The following MAP2K4 variants were observed in gnomAD, a reference collection of about 807,000 sequenced individuals.
MAP2K4 encodes the protein mitogen-activated protein kinase kinase 4.
A neutral mutation model predicts 48.5 loss-of-function variants in MAP2K4; 4 were observed. The ratio of observed to expected loss-of-function variants is 0.08; its 90% CI spans 0.04 to 0.19. MAP2K4 has a LOEUF of 0.19. Among genes scored for constraint, MAP2K4 ranks in the 10% least tolerant of loss-of-function variants. MAP2K4 has a pLI of 1.00. For missense variants in MAP2K4, 258 were observed against 493.3 expected, an observed-to-expected ratio of 0.52 and a Z score of 4.52; for synonymous variants, 166 against 173.1, an observed-to-expected ratio of 0.96 and a Z score of 0.32.
At chr17:12,129,102 C>T (rs1405028423) in intron 8 of MAP2K4, 37 bp from the exon 9 acceptor site, 1 of 1,605,016 alleles carries the variant, frequency 6.2e-7, no homozygotes, top group Non-Finnish European at 8.5e-7. Flanking sequence ...TAAATGATGC[C>T]TGGTGTATTT....
At chr17:12,115,539 G>A (rs1281519128) in intron 7 of MAP2K4, 20 of 520,686 alleles carry the variant, frequency 3.8e-5, no homozygotes, top group East Asian at 9.9e-5. Flanking sequence ...GTGACGGGCC[G>A]GAGAAAGATG....
intron 7 of MAP2K4, chr17:12,124,168 C>T (rs1972778146): frequency 6.6e-6 from 1 of 152,162 alleles, no homozygotes; most frequent in Non-Finnish European, 1.5e-5. Flanking sequence ...AGTTGATGCT[C>T]ACAGGCAGAG....
At chr17:12,135,270 A>G (rs1200561244) in intron 9 of MAP2K4, among the ~76,000 whole-genome samples, 1 of 151,818 alleles carries the variant, frequency 6.6e-6, no homozygotes, top group East Asian at 2.0e-4. Context: ...TATTTTTAGT[A>G]GAGTTGGGGT....
chr17:12,044,067 C>T (rs995941032), intron 1 of MAP2K4, among the ~76,000 whole-genome samples: 9 of 152,066 alleles, frequency 5.9e-5, no homozygotes, highest in African/African-American at 1.7e-4. Context: ...GCCACATTAT[C>T]GGTAACAAAA....
chr17:12,038,758 G>C (rs890752093), intron 1 of MAP2K4, among the ~76,000 whole-genome samples: 31 of 152,240 alleles, frequency 2.0e-4, no homozygotes, highest in Non-Finnish European at 2.2e-4. Context: ...TATAGATGAG[G>C]AAACTGAAGC....
chr17:12,132,112 G>A (rs562099288), intron 9 of MAP2K4, among the ~76,000 whole-genome samples: 30 of 152,290 alleles, frequency 2.0e-4, no homozygotes, highest in Middle Eastern at 6.8e-3. Flanking sequence ...TGAAGCAACT[G>A]GAAGTCTCAT....
At chr17:12,099,621 G>A (rs1191218190) in intron 4 of MAP2K4, among the ~76,000 whole-genome samples, 1 of 152,164 alleles carries the variant, frequency 6.6e-6, no homozygotes, top group Admixed American at 6.5e-5. Flanking sequence ...CCAAAGTACA[G>A]CTTGGATTTG....
Position 12,141,214 on chromosome 17 carries a change from T to C in MAP2K4, c.1154T>C (p.Leu385Pro). The C allele has an allele frequency of 6.2e-7, 1 of 1,613,958 alleles. No homozygotes were observed. Among genetic ancestry groups the C allele is most frequent in the Non-Finnish European group, 8.5e-7 (1 of 1,179,798 alleles). The change falls in exon 11 of 11, where the codon CTG becomes CCG. Residue 385 changes from leucine to proline, a missense_variant. Physicochemically the swap from Leu to Pro is moderately conservative, Grantham distance 98. Coordinates refer to ENST00000353533, the MANE Select transcript of MAP2K4 (RefSeq NM_003010.4). ...GTCGCATGCTATGTTTGTAAAATCC[T>C]GGATCAAATGCCAGCTACTCCCAGC... ...VEVACYVCKILDQMPATPSSP... is the reference protein window; with the variant it reads ...VEVACYVCKIPDQMPATPSSP...
rs28923220 is a variant in MAP2K4 at position 12,110,210 on chromosome 17, T to C, written c.634-165T>C. ...ATAAAGGCAACTAAGCTTTTAGATC[T>C]AAAATTATTCAGTATCTTTGGTTAA... On this transcript the variant is annotated intron_variant, in intron 5 of 10. Transcript: ENST00000353533. Among the ~76,000 whole-genome samples, 1,193 of 152,330 alleles carry C rather than the reference T, an allele frequency of 7.8e-3. 21 individuals are homozygous for C. Among genetic ancestry groups the C allele is most frequent in the African/African-American group, 0.027 (1,137 of 41,582 alleles).
At chr17:12,051,939 C>T (rs946027436) in intron 1 of MAP2K4, among the ~76,000 whole-genome samples, 1 of 151,608 alleles carries the variant, frequency 6.6e-6, no homozygotes, top group East Asian at 1.9e-4. Flanking sequence ...AAAAAAAAAG[C>T]TCATGCCTCC....
At chr17:12,021,866 C>G (rs756722503) in intron 1 of MAP2K4, among the ~76,000 whole-genome samples, 30 of 152,106 alleles carry the variant, frequency 2.0e-4, no homozygotes, top group Non-Finnish European at 4.3e-4. Flanking sequence ...ACTTTCCCCA[C>G]TGGGAATGCT....
chr17:12,083,933 AAC>A (rs1971277451), intron 3 of MAP2K4, among the ~76,000 whole-genome samples: 1 of 152,210 alleles, frequency 6.6e-6, no homozygotes, highest in African/African-American at 2.4e-5. Flanking sequence ...TGAAATGAGA[AAC>A]ACGCTTGAAG....
intron 9 of MAP2K4, among the ~76,000 whole-genome samples, chr17:12,130,167 G>C (rs1972978089): frequency 6.6e-6 from 1 of 151,850 alleles, no homozygotes; most frequent in Non-Finnish European, 1.5e-5. Flanking sequence ...CTTAAATCAG[G>C]GTCTAACATT....
chr17:12,102,518 ATTGT>A (rs1349613793), intron 4 of MAP2K4, among the ~76,000 whole-genome samples: 2 of 152,156 alleles, frequency 1.3e-5, no homozygotes, highest in African/African-American at 4.8e-5. Flanking sequence ...GACTTGCATC[ATTGT>A]AATGCTAGCC....
intron 9 of MAP2K4, among the ~76,000 whole-genome samples, chr17:12,133,121 G>A (rs970253407): frequency 3.9e-5 from 6 of 151,986 alleles, no homozygotes; most frequent in African/African-American, 9.7e-5. Context: ...TTGCTCTGTC[G>A]CCCAGGCTGG....
At chr17:12,136,365 C>A (rs557433805) in intron 9 of MAP2K4, among the ~76,000 whole-genome samples, 3 of 152,130 alleles carry the variant, frequency 2.0e-5, no homozygotes, top group African/African-American at 4.8e-5. Context: ...AATAGAACTT[C>A]TAGAAATAAA....
chr17:12,096,176 A>T lies in MAP2K4; in HGVS notation c.513+482A>T, dbSNP rs140586180. ...TAAACACTTATGTGTCCCTGCCCATAATCCTGAAGTATACCCATCAGACAT... is the reference window on the plus strand; with the variant it reads ...TAAACACTTATGTGTCCCTGCCCATTATCCTGAAGTATACCCATCAGACAT... On this transcript the variant is annotated intron_variant, in intron 4 of 10. Coordinates refer to ENST00000353533, the MANE Select transcript of MAP2K4 (RefSeq NM_003010.4). Among the ~76,000 whole-genome samples the T allele has an allele frequency of 6.4e-3, 946 of 148,932 alleles. 10 individuals are homozygous for T. Among genetic ancestry groups the T allele is most frequent in the Middle Eastern group, 0.046 (13 of 282 alleles).
intron 1 of MAP2K4, among the ~76,000 whole-genome samples, chr17:12,027,257 A>G (rs1384233290): frequency 1.3e-5 from 2 of 152,206 alleles, no homozygotes; most frequent in African/African-American, 4.8e-5. Context: ...ATTAGCCAGT[A>G]GTTTACACAA....
intron 2 of MAP2K4, among the ~76,000 whole-genome samples, chr17:12,059,696 CAGAG>C (rs1970391028): frequency 6.6e-6 from 1 of 152,170 alleles, no homozygotes; most frequent in African/African-American, 2.4e-5. Context: ...TTGGAACAGA[CAGAG>C]ACTCAGTTGT....
Sources: gnomAD v4.1 joint callset for allele counts (sites outside exome capture counted in the v4.1 genomes callset) on GRCh38, gnomAD v4.1.1 for gene constraint, MANE v1.5 for transcripts, NCBI Gene and HGNC (gene_info 2026-07-23, HGNC 2026-07-21) for gene names.